The following NTSR1 variants were observed in gnomAD, a reference collection of about 807,000 sequenced individuals.
NTSR1 encodes neurotensin receptor 1, also known as neurotensin receptor type 1.
In NTSR1, 29 loss-of-function variants were observed where a neutral mutation model predicts 31.2. The ratio of observed to expected loss-of-function variants is 0.93; its 90% confidence interval spans 0.69 to 1.27. The LOEUF (loss-of-function observed/expected upper bound fraction) is 1.27. Among genes scored for constraint, NTSR1 ranks in the 50% most tolerant of loss-of-function variants. The probability of loss-of-function intolerance (pLI) is 0.00; values close to 1 mark genes in which losing one functional copy is unlikely to be tolerated. For synonymous variants in NTSR1, 282 were observed against 269.9 expected (o/e 1.04, Z -0.44); for missense variants, 697 against 595.4 (o/e 1.17, Z -1.78).
At chr20:62,757,373 G>A (rs1466048467) in intron 2 of NTSR1, among the ~76,000 whole-genome samples, 1 of 152,182 alleles carries the variant, frequency 6.6e-6, no homozygotes, top group Admixed American at 6.5e-5. Context: ...GACCATAAAG[G>A]TAAGGGTTCG....
rs1306872987 is a variant in NTSR1, at chr20:62,758,580, A to C, written c.1007+224A>C. Among the ~76,000 whole-genome samples, 1 of 152,122 alleles carries C rather than the reference A, an allele frequency of 6.6e-6. No homozygotes were observed. Among genetic ancestry groups the C allele is most frequent in the Non-Finnish European group, 1.5e-5 (1 of 68,010 alleles). On this transcript the variant is annotated intron_variant, in intron 3 of 3. Transcript: ENST00000370501. The surrounding 1 kb of genome is among the most constrained non-coding windows in gnomAD (Gnocchi z 4.5). The stretch of plus-strand genomic sequence containing the variant: ...TCAGGCCAGACTGGTGCAGAGAAAG[A>C]AAGTTGGTCCTAAGAGAGATGGCCC...
intron 1 of NTSR1, among the ~76,000 whole-genome samples, chr20:62,738,712 C>G (rs1020914072): frequency 2.0e-5 from 3 of 152,222 alleles, no homozygotes; most frequent in Non-Finnish European, 4.4e-5. Flanking sequence ...GGCAGGAACC[C>G]GGGCTGGAGG....
In NTSR1 at chr20:62,709,607, T is replaced by C. The variant is rs781494549; in HGVS notation, c.400T>C (p.Trp134Arg). ...CAACTTCATCTGGGTGCACCACCCC[T>C]GGGCCTTCGGCGACGCCGGCTGCCG... ...LYNFIWVHHP[W>R]AFGDAGCRGY... The change falls in exon 1 of 4, where the codon TGG becomes CGG. Residue 134 changes from tryptophan to arginine, a missense_variant. Physicochemically the swap from Trp to Arg is moderately radical, Grantham distance 101. Coordinates refer to ENST00000370501, the MANE Select transcript of NTSR1 (RefSeq NM_002531.3). The C allele has an allele frequency of 1.4e-5, 23 of 1,611,686 alleles. No homozygotes were observed. In the East Asian group the frequency reaches 5.1e-4, roughly 36 times the overall value.
chr20:62,723,150 G>A (rs1336152399), intron 1 of NTSR1, among the ~76,000 whole-genome samples: 1 of 152,206 alleles, frequency 6.6e-6, no homozygotes, highest in Non-Finnish European at 1.5e-5. Context: ...ATTATTTCAA[G>A]AGCCTTGTTT....
chr20:62,716,700 T>C (rs897320915), intron 1 of NTSR1, among the ~76,000 whole-genome samples: 1 of 149,428 alleles, frequency 6.7e-6, no homozygotes, highest in Non-Finnish European at 1.5e-5. Context: ...TGTGGGCCTG[T>C]GTGCACTCAA....
At position 62,743,003 on chromosome 20, in the gene NTSR1, G is replaced by A. The variant is rs1451602108; in HGVS notation, c.715-11682G>A. On this transcript the variant is annotated intron_variant, in intron 1 of 3. Transcript: ENST00000370501. This position sits in a 1 kb window ranked among gnomAD's most constrained non-coding sequence, Gnocchi z 7.5. ...GCTTTGTTTGTGTAGGTAGTTCACT[G>A]TGGGAGTCTAGCTTTTGGGGGACAC... Among the ~76,000 whole-genome samples the A allele has an allele frequency of 3.3e-5, 5 of 149,618 alleles. No homozygotes were observed. The highest frequency in any genetic ancestry group is 5.9e-5 in the Non-Finnish European group (4 of 68,016).
At chr20:62,759,914 G>T in intron 3 of NTSR1, 104 bp from the exon 4 acceptor site, 1 of 1,132,696 alleles carries the variant, frequency 8.8e-7, no homozygotes, top group East Asian at 2.4e-5. Context: ...TTTAATTAGC[G>T]TCTGAGCCAC....
chr20:62,755,362 TCCCTTCA>T (rs1435080854), intron 2 of NTSR1, among the ~76,000 whole-genome samples: 2 of 34,368 alleles, frequency 5.8e-5, no homozygotes, highest in African/African-American at 2.6e-4. Context: ...TCTCCCTTCC[TCCCTTCA>T]TCCCTCCATC....
At chr20:62,752,973 G>A (rs552527859) in intron 1 of NTSR1, among the ~76,000 whole-genome samples, 5 of 152,312 alleles carry the variant, frequency 3.3e-5, no homozygotes, top group African/African-American at 1.2e-4. Context: ...GGTCAGCAGC[G>A]GTGGTGGTGG....
In NTSR1 at chr20:62,714,735, G is replaced by C. The variant is rs1379186314; in HGVS notation, c.714+4814G>C. Among the ~76,000 whole-genome samples, 1 of 152,170 alleles carries C rather than the reference G, an allele frequency of 6.6e-6. No individual in the cohort carries two copies. ...AGAAACAGCTCCAAATAAACAACTC[G>C]TTCTGTTCTACAAACAGTGAGGGAA... On this transcript the variant is annotated intron_variant, in intron 1 of 3. Coordinates refer to ENST00000370501, the MANE Select transcript of NTSR1 (RefSeq NM_002531.3). This position sits in a 1 kb window ranked among gnomAD's most constrained non-coding sequence, Gnocchi z 4.1.
Position 62,711,695 on chromosome 20 carries a change from C to T in NTSR1, c.714+1774C>T, listed in dbSNP as rs1171662960. Among the ~76,000 whole-genome samples, 3 of 152,052 alleles carry T rather than the reference C, an allele frequency of 2.0e-5. 1 individual carries two copies. The highest frequency in any genetic ancestry group is 4.4e-5 in the Non-Finnish European group (3 of 68,014). On this transcript the variant is annotated intron_variant, in intron 1 of 3. Coordinates refer to ENST00000370501, the MANE Select transcript of NTSR1 (RefSeq NM_002531.3). This position sits in a 1 kb window ranked among gnomAD's most constrained non-coding sequence, Gnocchi z 6.4. Reference sequence around the variant, plus strand: ...AACAAACAGCCGAAAAGCACAGGGGCGTGAGGACAGCTCGGCTCCGCCCCC... The same window carrying T: ...AACAAACAGCCGAAAAGCACAGGGGTGTGAGGACAGCTCGGCTCCGCCCCC...
chr20:62,760,031 T>C lies in NTSR1; in HGVS notation c.1021T>C (p.Phe341Leu), dbSNP rs143899545. ...DEQWTPFLYD[F>L]YHYFYMVTNA... ...CTCTCCCCGCAGGTTCCTCTATGAC[T>C]TCTACCACTACTTCTACATGGTGAC... The change falls in exon 4 of 4, where the codon TTC (phenylalanine) becomes CTC (leucine). Residue 341 changes from phenylalanine (F) to leucine (L), a missense_variant. Phe to Leu is a conservative substitution (Grantham distance 22). Coordinates refer to ENST00000370501, the MANE Select transcript of NTSR1 (RefSeq NM_002531.3). 5.9e-3 allele frequency: 9,537 copies of C among 1,614,034 alleles called. 31 individuals carry two copies. The highest frequency in any genetic ancestry group is 6.9e-3 in the Non-Finnish European group (8,100 of 1,179,970).
rs1046009792 is a variant in NTSR1, at chr20:62,756,369, G to A, written c.916+1483G>A. Among the ~76,000 whole-genome samples the A allele has an allele frequency of 4.6e-5, 7 of 152,362 alleles. No homozygotes were observed. In the South Asian group the frequency reaches 8.3e-4, roughly 18 times the overall value. ...AAGAAGGCGGGGCAGGGGCAGGGCA[G>A]ACGCTGCCAACAACACAGGGCTTGG... On this transcript the variant is annotated intron_variant, in intron 2 of 3. Transcript: ENST00000370501.
intron 1 of NTSR1, among the ~76,000 whole-genome samples, chr20:62,727,153 G>A (rs1237777124): frequency 6.6e-6 from 1 of 152,110 alleles, no homozygotes; most frequent in Non-Finnish European, 1.5e-5. Context: ...ATAAGCCAGG[G>A]CAGGACACAC....
chr20:62,735,887 G>A (rs1287173895), intron 1 of NTSR1, among the ~76,000 whole-genome samples: 1 of 152,212 alleles, frequency 6.6e-6, no homozygotes, highest in African/African-American at 2.4e-5. Context: ...GCCAAGAACA[G>A]TTCCCCTTAC....
In NTSR1 at chr20:62,758,401, C is replaced by T. The variant is rs1200924966; in HGVS notation, c.1007+45C>T. ...AAGTTGGGTGCTGGACAAGTAAGTGCTCCCAAAACAGATGGTGGGTGTGGC... is the reference window on the plus strand; with the variant it reads ...AAGTTGGGTGCTGGACAAGTAAGTGTTCCCAAAACAGATGGTGGGTGTGGC... On this transcript the variant is annotated intron_variant, in intron 3 of 3. Transcript: ENST00000370501. This position sits in a 1 kb window ranked among gnomAD's most constrained non-coding sequence, Gnocchi z 4.5. 1.9e-6 allele frequency: 3 copies of T among 1,542,480 alleles called. No homozygotes were observed. The highest frequency in any genetic ancestry group is 2.7e-6 in the Non-Finnish European group (3 of 1,116,912).
In NTSR1 at chr20:62,711,590, G is replaced by T. The variant is rs1460883487; in HGVS notation, c.714+1669G>T. Among the ~76,000 whole-genome samples, 4 of 51,326 alleles carry T rather than the reference G, an allele frequency of 7.8e-5. No individual in the cohort carries two copies. The East Asian group carries it at 2.6e-3, about 33-fold the overall frequency. 33.7% of individuals were successfully genotyped at this position (51,326 alleles called of 152,430 possible). ...CCCCGATCCCCCCGCTCAGATCCCC[G>T]ATCCCCCCGCTCAGAACCCCGATCC... On this transcript the variant is annotated intron_variant, in intron 1 of 3. Transcript: ENST00000370501. The surrounding 1 kb of genome is among the most constrained non-coding windows in gnomAD (Gnocchi z 6.4).
intron 1 of NTSR1, among the ~76,000 whole-genome samples, chr20:62,751,840 A>G (rs1449208736): frequency 6.6e-6 from 1 of 152,180 alleles, no homozygotes; most frequent in Non-Finnish European, 1.5e-5. Flanking sequence ...TCAGCTGTCC[A>G]GCGCCATGCC....
At position 62,711,986 on chromosome 20, in the gene NTSR1, C is replaced by T. The variant is rs1052491325; in HGVS notation, c.714+2065C>T. Among the ~76,000 whole-genome samples, 1 of 152,218 alleles carries T rather than the reference C, an allele frequency of 6.6e-6. No homozygotes were observed. The highest frequency in any genetic ancestry group is 2.4e-5 in the African/African-American group (1 of 41,464). ...CGTTGCTGAAGGCACCCTTGGAGAA[C>T]GTAGTTTCCATTTTTCTTTAAAGGG... On this transcript the variant is annotated intron_variant, in intron 1 of 3. Coordinates refer to ENST00000370501, the MANE Select transcript of NTSR1 (RefSeq NM_002531.3). This position sits in a 1 kb window ranked among gnomAD's most constrained non-coding sequence, Gnocchi z 6.4.
Sources: gnomAD v4.1 joint callset for allele counts (sites outside exome capture counted in the v4.1 genomes callset) on GRCh38, gnomAD v4.1.1 for gene constraint, Gnocchi (gnomAD v3.1) non-coding constraint, MANE v1.5 for transcripts, NCBI Gene and HGNC (gene_info 2026-07-23, HGNC 2026-07-21) for gene names.